The following KMT5B variants were observed in gnomAD, a reference collection of about 807,000 sequenced individuals.
KMT5B encodes the protein lysine methyltransferase 5B, also known as histone-lysine N-methyltransferase KMT5B.
Under a neutral mutation model 83.2 loss-of-function variants are expected in KMT5B, and 10 were observed. The observed-to-expected ratio is 0.12, with a 90% CI of 0.07 to 0.20. KMT5B has a LOEUF of 0.20. Ranked by LOEUF, KMT5B falls within the 10% of genes least tolerant of loss-of-function variation. KMT5B has a pLI of 1.00. For synonymous variants in KMT5B, 349 were observed against 388.8 expected, an observed-to-expected ratio of 0.90 and a Z score of 1.20; for missense variants, 753 against 1,067.2, an observed-to-expected ratio of 0.71 and a Z score of 4.10.
Position 68,159,190 on chromosome 11 carries a change from A to C in KMT5B, c.1175-19T>G. Reference sequence around the variant, plus strand: ...TTAGAAGCTGTAAGGTTAAAGAGAAAAAGGTGAAAAGCCTTGGTAACAGCA... The same window carrying C: ...TTAGAAGCTGTAAGGTTAAAGAGAACAAGGTGAAAAGCCTTGGTAACAGCA... On this transcript the variant is annotated intron_variant, in intron 10 of 10. Transcript: ENST00000304363. 2.6e-6 allele frequency: 4 copies of C among 1,534,672 alleles called. No individual in the cohort carries two copies. The highest frequency in any genetic ancestry group is 3.5e-6 in the Non-Finnish European group (4 of 1,152,278).
chr11:68,164,606 C>CT (rs1307776725), intron 10 of KMT5B: 18 of 499,482 alleles, frequency 3.6e-5, no homozygotes, highest in Non-Finnish European at 6.4e-5. Flanking sequence ...AGAGAGAGCA[C>CT]TGAGCCATGC....
chr11:68,186,332 A>G (rs1177092169), intron 2 of KMT5B, among the ~76,000 whole-genome samples: 2 of 152,238 alleles, frequency 1.3e-5, no homozygotes, highest in Non-Finnish European at 2.9e-5. Context: ...AACACAAGAT[A>G]GTTTCTGCAA....
chr11:68,165,802 G>T, intron 10 of KMT5B: 1 of 1,575,820 alleles, frequency 6.3e-7, no homozygotes, highest in Non-Finnish European at 8.6e-7. Context: ...GGACATTAAC[G>T]AAAAAGACTG....
In KMT5B at chr11:68,209,991, G is replaced by A. The variant is rs192325640; in HGVS notation, c.-77+3147C>T. On this transcript the variant is annotated intron_variant, in intron 1 of 10. Transcript: ENST00000304363. Reference sequence around the variant, plus strand: ...ACACCATTCTCCTGCCTCAACCTCCGGAGTAGCTGGGACTACAGGCTAATT... The same window carrying A: ...ACACCATTCTCCTGCCTCAACCTCCAGAGTAGCTGGGACTACAGGCTAATT... Among the ~76,000 whole-genome samples, 364 of 151,816 alleles carry A rather than the reference G, an allele frequency of 2.4e-3. 2 individuals carry two copies. The highest frequency in any genetic ancestry group is 8.0e-3 in the African/African-American group (331 of 41,374).
intron 1 of KMT5B, among the ~76,000 whole-genome samples, chr11:68,206,896 C>G (rs1860183723): frequency 1.3e-5 from 2 of 152,160 alleles, no homozygotes; most frequent in Non-Finnish European, 1.5e-5. Context: ...GCTTTCCCTA[C>G]AGTTCCCAAA....
chr11:68,167,085 A>T lies in KMT5B; in HGVS notation c.1071T>A (p.Arg357=). Residue 357 remains arginine (R), a synonymous_variant, in exon 10 of 11, where the codon CGT becomes CGA. Coordinates refer to ENST00000304363, the MANE Select transcript of KMT5B (RefSeq NM_017635.5). The stretch of plus-strand genomic sequence containing the variant: ...CACCTAACTTTTTAAGCCTATTTAA[A>T]CGTTTATCTGTTTCTCTGAGTCCAT... The part of the protein sequence containing the change: ...SKYGLRETDK[R]LNRLKKLGDS... The T allele has an allele frequency of 6.2e-7, 1 of 1,614,100 alleles. No homozygotes were observed. Among genetic ancestry groups the T allele is most frequent in the Non-Finnish European group, 8.5e-7 (1 of 1,180,022 alleles).
In KMT5B at chr11:68,158,425, C is replaced by G. The variant is rs146086325; in HGVS notation, c.1921G>C (p.Ala641Pro). The G allele has an allele frequency of 1.9e-6, 3 of 1,614,114 alleles. No individual in the cohort carries two copies. Among genetic ancestry groups the G allele is most frequent in the Non-Finnish European group, 2.5e-6 (3 of 1,179,994 alleles). The change falls in exon 11 of 11, where the codon GCG (alanine) becomes CCG (proline). Residue 641 changes from alanine (A) to proline (P), a missense_variant. By Grantham distance (27) the Ala-to-Pro change is conservative. This residue lies in a region of KMT5B where 397 missense variants were observed against 395.9 expected (regional missense o/e 1.00). Coordinates refer to ENST00000304363, the MANE Select transcript of KMT5B (RefSeq NM_017635.5). The part of the protein sequence containing the change: ...PVHDSPGKDD[A>P]VPDLMGPHSD... ...TGGGGACCCATCAAATCTGGTACCG[C>G]GTCGTCTTTTCCAGGAGAATCGTGC...
chr11:68,199,754 AGAG>A (rs1177969442), intron 1 of KMT5B, among the ~76,000 whole-genome samples: 4 of 152,222 alleles, frequency 2.6e-5, no homozygotes, highest in African/African-American at 9.6e-5. Flanking sequence ...ACTGCTAGCC[AGAG>A]GAGAACTAGT....
intron 10 of KMT5B, among the ~76,000 whole-genome samples, chr11:68,165,507 GAA>G (rs58446155): frequency 1.5e-5 from 2 of 133,136 alleles, no homozygotes; most frequent in African/African-American, 5.5e-5. Flanking sequence ...CGTCTCAAAA[GAA>G]AAAAAAAAAA....
At chr11:68,201,235 G>A (rs934056646) in intron 1 of KMT5B, among the ~76,000 whole-genome samples, 18 of 152,114 alleles carry the variant, frequency 1.2e-4, no homozygotes, top group Non-Finnish European at 4.4e-5. Context: ...ACCGTTGCTG[G>A]GGGGAAGGAT....
chr11:68,203,253 C>T (rs1453312555), intron 1 of KMT5B, among the ~76,000 whole-genome samples: 1 of 152,216 alleles, frequency 6.6e-6, no homozygotes, highest in Non-Finnish European at 1.5e-5. Flanking sequence ...GGATTACAGG[C>T]GTGAGGCACC....
At chr11:68,198,499 G>T (rs555636878) in intron 1 of KMT5B, among the ~76,000 whole-genome samples, 1 of 148,912 alleles carries the variant, frequency 6.7e-6, no homozygotes. Context: ...AGACAAGACA[G>T]GGCGGCTAGC....
chr11:68,193,286 C>A (rs777275901), intron 1 of KMT5B, among the ~76,000 whole-genome samples: 3 of 152,188 alleles, frequency 2.0e-5, no homozygotes, highest in Admixed American at 1.3e-4. Context: ...CTACACCAGA[C>A]GCAGGTCAAT....
chr11:68,195,103 G>A (rs148718360), intron 1 of KMT5B, among the ~76,000 whole-genome samples: 20 of 152,266 alleles, frequency 1.3e-4, no homozygotes, highest in African/African-American at 4.8e-4. Context: ...CTGCAGCCCA[G>A]GAAATTGCGG....
At chr11:68,201,685 T>C (rs1440752529) in intron 1 of KMT5B, among the ~76,000 whole-genome samples, 1 of 152,098 alleles carries the variant, frequency 6.6e-6, no homozygotes, top group African/African-American at 2.4e-5. Flanking sequence ...CCAGTTGACA[T>C]GCTGAACTTG....
At chr11:68,191,409 T>C (rs181289688) in intron 1 of KMT5B, among the ~76,000 whole-genome samples, 3 of 152,196 alleles carry the variant, frequency 2.0e-5, no homozygotes, top group Admixed American at 1.3e-4. Flanking sequence ...TCTCTTCTCA[T>C]TGCAACCTCC....
intron 1 of KMT5B, among the ~76,000 whole-genome samples, chr11:68,203,521 C>CA (rs1859710018): frequency 6.6e-6 from 1 of 152,214 alleles, no homozygotes; most frequent in Admixed American, 6.5e-5. Flanking sequence ...CCTATGGTAT[C>CA]AATCCCAGCG....
intron 2 of KMT5B, among the ~76,000 whole-genome samples, chr11:68,186,428 T>A (rs1314252393): frequency 2.0e-5 from 3 of 152,156 alleles, no homozygotes; most frequent in Admixed American, 6.5e-5. Flanking sequence ...ATGATTATTA[T>A]CCCCACTTTG....
At chr11:68,166,301 T>A (rs893142827) in intron 10 of KMT5B, 5 of 1,087,556 alleles carry the variant, frequency 4.6e-6, no homozygotes, top group Non-Finnish European at 5.6e-6. Context: ...TCTCTTTGTT[T>A]AGTCTTCGTT....
Sources: gnomAD v4.1 joint callset for allele counts (sites outside exome capture counted in the v4.1 genomes callset) on GRCh38, gnomAD v4.1.1 for gene constraint, gnomAD v4.1.1 regional missense constraint, MANE v1.5 for transcripts, NCBI Gene and HGNC (gene_info 2026-07-23, HGNC 2026-07-21) for gene names.